NLGN1: variants seen among roughly 807,000 people sequenced by gnomAD.
NLGN1 encodes the protein neuroligin-1.
A neutral mutation model predicts 65.5 loss-of-function variants in NLGN1; 12 were observed. The ratio of observed to expected loss-of-function variants is 0.18; its 90% CI spans 0.12 to 0.30. The LOEUF is 0.30. Ranked by LOEUF, NLGN1 falls within the 10% of genes least tolerant of loss-of-function variation. NLGN1 has a pLI of 1.00. For missense variants in NLGN1, 750 were observed against 1,007.1 expected, an observed-to-expected ratio of 0.74 and a Z score of 3.46; for synonymous variants, 350 against 359.5, an observed-to-expected ratio of 0.97 and a Z score of 0.30.
At chr3:173,816,735 T>C (rs1460737992) in intron 4 of NLGN1, among the ~76,000 whole-genome samples, 1 of 152,228 alleles carries the variant, frequency 6.6e-6, no homozygotes, top group Non-Finnish European at 1.5e-5. Context: ...CATTTATACT[T>C]CATAGACATC....
intron 4 of NLGN1, among the ~76,000 whole-genome samples, chr3:174,177,375 T>C (rs1337900142): frequency 1.3e-5 from 2 of 152,076 alleles, no homozygotes; most frequent in African/African-American, 2.4e-5. Flanking sequence ...AGATCAAAAT[T>C]GTAATATTTA....
intron 4 of NLGN1, among the ~76,000 whole-genome samples, chr3:174,010,948 A>T (rs1225316736): frequency 6.6e-6 from 1 of 152,168 alleles, no homozygotes; most frequent in Non-Finnish European, 1.5e-5. Context: ...GCTCAATTTG[A>T]TAGCAGTAAA....
intron 4 of NLGN1, among the ~76,000 whole-genome samples, chr3:173,901,370 G>GGTGTGTGT (rs942723739): frequency 1.3e-5 from 2 of 149,014 alleles, no homozygotes; most frequent in African/African-American, 2.5e-5. Flanking sequence ...TTTTTGGGGG[G>GGTGTGTGT]GTGTGTGTGT....
intron 1 of NLGN1, among the ~76,000 whole-genome samples, chr3:173,419,017 C>CTTTTTTTTTTTTTT (rs1714402944): frequency 8.9e-5 from 1 of 11,280 alleles, no homozygotes; most frequent in African/African-American, 3.8e-4. Flanking sequence ...CTTTCTTCTT[C>CTTTTTTTTTTTTTT]TTCTTTTTTT....
chr3:173,735,353 T>G (rs1449420804), intron 3 of NLGN1, among the ~76,000 whole-genome samples: 1 of 152,126 alleles, frequency 6.6e-6, no homozygotes, highest in Non-Finnish European at 1.5e-5. Context: ...CACTTTTATT[T>G]TTTCCCAGTA....
intron 1 of NLGN1, among the ~76,000 whole-genome samples, chr3:173,402,581 G>T (rs1717892657): frequency 6.6e-6 from 1 of 152,096 alleles, no homozygotes; most frequent in Non-Finnish European, 1.5e-5. Context: ...GGATGTCATG[G>T]CTCTGGTACG....
intron 4 of NLGN1, among the ~76,000 whole-genome samples, chr3:173,812,602 A>G (rs1211087951): frequency 6.6e-6 from 1 of 151,744 alleles, no homozygotes; most frequent in Admixed American, 6.6e-5. Flanking sequence ...GTGGTGGCAC[A>G]TGCTTGTATT....
intron 3 of NLGN1, among the ~76,000 whole-genome samples, chr3:173,659,445 A>G (rs1760588318): frequency 1.3e-5 from 2 of 151,944 alleles, no homozygotes; most frequent in African/African-American, 2.4e-5. Context: ...ACTGCATGAC[A>G]TAACCATTTA....
intron 2 of NLGN1, among the ~76,000 whole-genome samples, chr3:173,595,396 C>T (rs963549511): frequency 3.3e-5 from 5 of 152,180 alleles, no homozygotes; most frequent in Admixed American, 3.3e-4. Context: ...ACCTTTTCTC[C>T]AGTTCCCAAC....
intron 2 of NLGN1, among the ~76,000 whole-genome samples, chr3:173,447,574 T>C (rs893359666): frequency 4.6e-5 from 7 of 152,112 alleles, no homozygotes; most frequent in Admixed American, 3.3e-4. Context: ...ATATGAACTT[T>C]AGTTTTTTCC....
intron 4 of NLGN1, among the ~76,000 whole-genome samples, chr3:174,084,095 C>A (rs1742797570): frequency 6.6e-6 from 1 of 152,156 alleles, no homozygotes; most frequent in Admixed American, 6.5e-5. Context: ...TATTTTTTCA[C>A]ACATTTTTAA....
rs567087790 is a variant in NLGN1, at chr3:173,877,710, A to T, written c.646+69878A>T. Among the ~76,000 whole-genome samples, 88 of 152,294 alleles carry T rather than the reference A, an allele frequency of 5.8e-4. 1 individual carries two copies. The highest frequency in any genetic ancestry group is 1.7e-3 in the African/African-American group (69 of 41,568). ...AATTATCTCAACCTTAAATTTTTTT[A>T]AAATAAAAGCTCTTATAATAAAATG... On this transcript the variant is annotated intron_variant, in intron 4 of 6. Transcript: ENST00000457714.
chr3:173,712,975 C>T (rs1028042335), intron 3 of NLGN1, among the ~76,000 whole-genome samples: 4 of 151,916 alleles, frequency 2.6e-5, no homozygotes, highest in East Asian at 3.9e-4. Context: ...GCAGCAAGGT[C>T]GGAAACAATG....
At chr3:173,844,329 G>C (rs1481395006) in intron 4 of NLGN1, among the ~76,000 whole-genome samples, 1 of 152,142 alleles carries the variant, frequency 6.6e-6, no homozygotes, top group Non-Finnish European at 1.5e-5. Context: ...GGGGTGTTTC[G>C]AGGAGAAACA....
intron 4 of NLGN1, among the ~76,000 whole-genome samples, chr3:174,273,103 G>A (rs1006195112): frequency 6.6e-6 from 1 of 151,394 alleles, no homozygotes; most frequent in East Asian, 1.9e-4. Flanking sequence ...TTTAGTTAAT[G>A]TAGAAATAAT....
chr3:174,010,895 A>C (rs939476132), intron 4 of NLGN1, among the ~76,000 whole-genome samples: 1 of 152,118 alleles, frequency 6.6e-6, no homozygotes, highest in Admixed American at 6.6e-5. Flanking sequence ...CTAAATCTCA[A>C]CTTTCAAGGT....
At chr3:173,399,605 C>G (rs1451915707) in intron 1 of NLGN1, 1 of 152,118 alleles carries the variant, frequency 6.6e-6, no homozygotes, top group Non-Finnish European at 1.5e-5. Context: ...GCCTGATGAC[C>G]CTATGCATTC....
intron 2 of NLGN1, among the ~76,000 whole-genome samples, chr3:173,541,646 T>C (rs999686470): frequency 7.9e-5 from 12 of 152,146 alleles, no homozygotes; most frequent in Non-Finnish European, 1.5e-4. Flanking sequence ...ACTTTCTGAT[T>C]CTTTGCCTAT....
chr3:173,962,233 A>G (rs1162084944), intron 4 of NLGN1, among the ~76,000 whole-genome samples: 1 of 152,132 alleles, frequency 6.6e-6, no homozygotes, highest in Non-Finnish European at 1.5e-5. Flanking sequence ...AGTTAAGCTT[A>G]GCCTGCATAT....
Sources: gnomAD v4.1 joint callset for allele counts (sites outside exome capture counted in the v4.1 genomes callset) on GRCh38, gnomAD v4.1.1 for gene constraint, MANE v1.5 for transcripts, NCBI Gene and HGNC (gene_info 2026-07-23, HGNC 2026-07-21) for gene names.